TBCD: variants seen among roughly 807,000 people sequenced by gnomAD.
TBCD encodes the protein tubulin-specific chaperone D.
A neutral mutation model predicts 169.3 loss-of-function variants in TBCD; 105 were observed. The ratio of observed to expected loss-of-function variants is 0.62; its 90% CI spans 0.53 to 0.73. The LOEUF (loss-of-function observed/expected upper bound fraction) is 0.73. TBCD is among the 30% of genes least tolerant of loss of function. The pLI is 0.00. For synonymous variants in TBCD, 700 were observed against 643.9 expected (o/e 1.09, Z -1.32); for missense variants, 1,444 against 1,600.1 (o/e 0.90, Z 1.66).
chr17:82,893,189 C>T (rs536021557), intron 16 of TBCD: 13 of 265,650 alleles, frequency 4.9e-5, no homozygotes, highest in African/African-American at 1.1e-4. Context: ...GGGCTCAGGC[C>T]GATGGAGGTC....
At chr17:82,937,895 G>A (rs1378589582) in intron 35 of TBCD, 154 bp from the exon 36 acceptor site, 19 of 1,528,510 alleles carry the variant, frequency 1.2e-5, no homozygotes, top group African/African-American at 4.1e-5. Flanking sequence ...GCAGATGTAC[G>A]CACACACACA....
rs374216515 is a variant in TBCD, at chr17:82,924,951, C to T, written c.2273C>T (p.Thr758Met). 3.1e-5 allele frequency: 49 copies of T among 1,564,514 alleles called. No individual in the cohort carries two copies. In the Admixed American group the frequency reaches 3.2e-4, roughly 10 times the overall value. The change falls in exon 27 of 39, where the codon ACG becomes ATG. Residue 758 changes from threonine to methionine, a missense_variant. Thr to Met is a moderately conservative substitution (Grantham distance 81). Coordinates refer to ENST00000355528, the MANE Select transcript of TBCD (RefSeq NM_005993.5). ...TGCTTCCTTTCAGAGGAGCTGATCACGCAGTACCTGGCTGAGCTTCGGAAC... is the reference window on the plus strand; with the variant it reads ...TGCTTCCTTTCAGAGGAGCTGATCATGCAGTACCTGGCTGAGCTTCGGAAC... ...ADPAIQEELI[T>M]QYLAELRNPE...
In TBCD at chr17:82,797,733, A is replaced by C. The variant is rs781537799; in HGVS notation, c.772-24A>C. 2.2e-6 allele frequency: 3 copies of C among 1,395,210 alleles called. No homozygotes were observed. In the Admixed American group the frequency reaches 6.4e-5, roughly 30 times the overall value. The allele number at this position is 1,395,210 out of a possible 1,614,324, so 86.4% of individuals were successfully genotyped here. ...AACTTCTATTTGTATTTGTAACATTAAAAATCTTTTTTTTTTTTTTTAGGC... is the reference window on the plus strand; with the variant it reads ...AACTTCTATTTGTATTTGTAACATTCAAAATCTTTTTTTTTTTTTTTAGGC... On this transcript the variant is annotated intron_variant, in intron 7 of 38. Transcript: ENST00000355528.
intron 13 of TBCD, chr17:82,865,494 T>G (rs1465402660): frequency 1.0e-6 from 1 of 985,344 alleles, no homozygotes; most frequent in Admixed American, 6.1e-5. Context: ...TGCCCACGTT[T>G]CCACGCCTTC....
intron 13 of TBCD, among the ~76,000 whole-genome samples, chr17:82,862,571 A>G (rs2056856465): frequency 6.6e-6 from 1 of 151,520 alleles, no homozygotes; most frequent in Non-Finnish European, 1.5e-5. Flanking sequence ...AAAGTGTTTC[A>G]AAGTATGGGT....
Position 82,915,763 on chromosome 17 carries a change from T to C in TBCD, c.2038+3974T>C, listed in dbSNP as rs1420059619. Among the ~76,000 whole-genome samples the C allele has an allele frequency of 6.6e-6, 1 of 152,148 alleles. No individual in the cohort carries two copies. ...GCGTCACGAGAATCAGGAAAAGTTC[T>C]CCTCTCATGCCGAAGACGGGAGGGA... On this transcript the variant is annotated intron_variant, in intron 23 of 38. Transcript: ENST00000355528. The surrounding 1 kb of genome is among the most constrained non-coding windows in gnomAD (Gnocchi z 4.3).
chr17:82,815,568 C>T (rs367652482), intron 13 of TBCD, among the ~76,000 whole-genome samples: 20 of 152,330 alleles, frequency 1.3e-4, no homozygotes, highest in Non-Finnish European at 2.2e-4. Context: ...GCTCTTGTGC[C>T]GTGGCCACAC....
intron 7 of TBCD, among the ~76,000 whole-genome samples, chr17:82,787,716 A>G (rs1352274604): frequency 1.3e-5 from 2 of 152,228 alleles, no homozygotes; most frequent in Non-Finnish European, 2.9e-5. Flanking sequence ...GTGAACTCTC[A>G]ACAAGTACCA....
At chr17:82,812,328 C>A (rs376888279) in intron 12 of TBCD, among the ~76,000 whole-genome samples, 2 of 152,196 alleles carry the variant, frequency 1.3e-5, no homozygotes, top group African/African-American at 4.8e-5. Context: ...CCTCGCCCGC[C>A]GCCCCGTGTC....
chr17:82,855,414 A>G (rs1346410763), intron 13 of TBCD, among the ~76,000 whole-genome samples: 2 of 151,700 alleles, frequency 1.3e-5, no homozygotes, highest in Non-Finnish European at 2.9e-5. Flanking sequence ...CTATGGGTGC[A>G]TGCTACCGTG....
chr17:82,872,879 C>T, intron 14 of TBCD, among the ~76,000 whole-genome samples: 1 of 141,520 alleles, frequency 7.1e-6, no homozygotes, highest in East Asian at 1.9e-4. Flanking sequence ...CCAGGCCCAT[C>T]ACCTGGTGGC....
In TBCD at chr17:82,920,831, C is replaced by T. The variant is rs577969905; in HGVS notation, c.2101+213C>T. Among the ~76,000 whole-genome samples the T allele has an allele frequency of 3.3e-5, 5 of 152,312 alleles. No homozygotes were observed. The highest frequency in any genetic ancestry group is 3.9e-4 in the East Asian group (2 of 5,168). ...CCCCCAACACAGGAGGGCCCTTCCC[C>T]GCCGTCACCTCAGTACCCCCACCTC... is the stretch of plus-strand genomic sequence containing the variant. On this transcript the variant is annotated intron_variant, in intron 24 of 38. Coordinates refer to ENST00000355528, the MANE Select transcript of TBCD (RefSeq NM_005993.5). This position sits in a 1 kb window ranked among gnomAD's most constrained non-coding sequence, Gnocchi z 4.1.
At chr17:82,859,603 A>G in intron 13 of TBCD, 11 of 985,448 alleles carry the variant, frequency 1.1e-5, no homozygotes, top group Non-Finnish European at 1.2e-5. Flanking sequence ...GCAGACTCCA[A>G]GTGTGAGCCC....
At chr17:82,790,138 C>T (rs773871910) in intron 7 of TBCD, among the ~76,000 whole-genome samples, 6 of 152,186 alleles carry the variant, frequency 3.9e-5, no homozygotes, top group Non-Finnish European at 8.8e-5. Flanking sequence ...CGCTCTGCCG[C>T]CTGGTCCAGG....
chr17:82,907,780 G>A lies in TBCD; in HGVS notation c.1942G>A (p.Asp648Asn). The A allele has an allele frequency of 6.2e-7, 1 of 1,613,850 alleles. No homozygotes were observed. The highest frequency in any genetic ancestry group is 8.5e-7 in the Non-Finnish European group (1 of 1,179,826). Residue 648 changes from aspartate to asparagine, a missense_variant, in exon 21 of 39, where the codon GAC becomes AAC. Physicochemically the swap from Asp to Asn is conservative, Grantham distance 23. Coordinates refer to ENST00000355528, the MANE Select transcript of TBCD (RefSeq NM_005993.5). Reference sequence around the variant, plus strand: ...CTGCAGGCCCGTCACGGACCATCTGGACGAGCAGGCAGTGCAGGGCCTGAA... The same window carrying A: ...CTGCAGGCCCGTCACGGACCATCTGAACGAGCAGGCAGTGCAGGGCCTGAA... ...QENRPVTDHL[D>N]EQAVQGLKQI...
chr17:82,876,313 G>C (rs559348579), intron 14 of TBCD, among the ~76,000 whole-genome samples: 2 of 152,182 alleles, frequency 1.3e-5, no homozygotes, highest in Admixed American at 6.5e-5. Context: ...GAAAGCAAAC[G>C]GGCGAGGACA....
chr17:82,884,079 C>A lies in TBCD; in HGVS notation c.1476-66C>A. On this transcript the variant is annotated intron_variant, in intron 14 of 38. Transcript: ENST00000355528. This position sits in a 1 kb window ranked among gnomAD's most constrained non-coding sequence, Gnocchi z 4.2. ...AGTCGTGAGAGAAAGGCTTTCTCAT[C>A]GATACTGTGTGGTCTGTACTGTTTT... 1 of 1,464,218 alleles carries A rather than the reference C, an allele frequency of 6.8e-7. No homozygotes were observed. The highest frequency in any genetic ancestry group is 9.4e-7 in the Non-Finnish European group (1 of 1,067,678). The allele number at this position is 1,464,218 out of a possible 1,614,324, so 90.7% of individuals were successfully genotyped here.
At chr17:82,871,873 G>A (rs1287067801) in intron 14 of TBCD, among the ~76,000 whole-genome samples, 1 of 152,164 alleles carries the variant, frequency 6.6e-6, no homozygotes, top group Non-Finnish European at 1.5e-5. Flanking sequence ...GTTCCCTCAC[G>A]CACCCGGGTG....
At chr17:82,887,168 T>TGTGTGTGTGTGCGCGCGCGC in intron 15 of TBCD, among the ~76,000 whole-genome samples, 164 of 126,152 alleles carry the variant, frequency 1.3e-3, no homozygotes, top group Middle Eastern at 4.0e-3. Flanking sequence ...TGTGTGTGTG[T>TGTGTGTGTGTGCGCGCGCGC]GCGCGCGCGC....
Sources: gnomAD v4.1 joint callset for allele counts (sites outside exome capture counted in the v4.1 genomes callset) on GRCh38, gnomAD v4.1.1 for gene constraint, Gnocchi (gnomAD v3.1) non-coding constraint, MANE v1.5 for transcripts, NCBI Gene and HGNC (gene_info 2026-07-23, HGNC 2026-07-21) for gene names.